The following MYBL2 variants were observed in gnomAD, a reference collection of about 807,000 sequenced individuals.
MYBL2 encodes myb-related protein B.
In MYBL2, 28 loss-of-function variants were observed where a neutral mutation model predicts 79.9. The observed-to-expected ratio is 0.35, with a 90% CI of 0.26 to 0.48. The LOEUF (loss-of-function observed/expected upper bound fraction) is 0.48. Among genes scored for constraint, MYBL2 ranks in the 20% least tolerant of loss-of-function variants. MYBL2 has a pLI of 0.99. For missense variants in MYBL2, 735 were observed against 893.9 expected, an observed-to-expected ratio of 0.82 and a Z score of 2.27; for synonymous variants, 378 against 361.2, an observed-to-expected ratio of 1.05 and a Z score of -0.53.
chr20:43,701,035 C>T (rs1189544514), intron 7 of MYBL2, among the ~76,000 whole-genome samples: 1 of 152,156 alleles, frequency 6.6e-6, no homozygotes, highest in Non-Finnish European at 1.5e-5. Context: ...TGGTCTTTAA[C>T]AGCCTGTGAG....
At position 43,710,033 on chromosome 20, in the gene MYBL2, CT is replaced by C; in HGVS notation, c.1577del (p.Leu526ArgfsTer7). Reference sequence around the variant, plus strand: ...CACGCCAACCCCGTTCAAGAACGCCCTGGAGAAGTACGGACCCCTGAAGCCC... The same window carrying C: ...CACGCCAACCCCGTTCAAGAACGCCCGGAGAAGTACGGACCCCTGAAGCCC... ...PHTPTPFKNA[L>X]EKYGPLKPLP... On this transcript the variant is annotated frameshift_variant, in exon 10 of 14. Coordinates refer to ENST00000217026, the MANE Select transcript of MYBL2 (RefSeq NM_002466.4). LOFTEE classifies it high-confidence loss of function. 6.2e-7 allele frequency: 1 copy of C among 1,609,988 alleles called. No individual in the cohort carries two copies. The highest frequency in any genetic ancestry group is 1.7e-5 in the Admixed American group (1 of 59,410).
At chr20:43,673,595 C>T (rs1986919659) in intron 1 of MYBL2, 1 of 636,236 alleles carries the variant, frequency 1.6e-6, no homozygotes, top group East Asian at 3.2e-5. Flanking sequence ...TACGATCATG[C>T]CACACTGAAT....
At chr20:43,700,818 T>C (rs1323575843) in intron 7 of MYBL2, among the ~76,000 whole-genome samples, 2 of 152,178 alleles carry the variant, frequency 1.3e-5, no homozygotes, top group African/African-American at 4.8e-5. Flanking sequence ...TCAAGTAGTG[T>C]ACCCAAGGTT....
At chr20:43,708,902 G>T (rs1202552884) in intron 9 of MYBL2, among the ~76,000 whole-genome samples, 8 of 152,230 alleles carry the variant, frequency 5.3e-5, no homozygotes, top group African/African-American at 1.9e-4. Flanking sequence ...GTGCTTATCT[G>T]TCTTCACTCT....
chr20:43,676,382 G>A (rs1987010761), intron 2 of MYBL2, among the ~76,000 whole-genome samples: 1 of 151,908 alleles, frequency 6.6e-6, no homozygotes, highest in Non-Finnish European at 1.5e-5. Flanking sequence ...TTGGTTTTCT[G>A]TTCCTGTGTT....
intron 6 of MYBL2, among the ~76,000 whole-genome samples, chr20:43,696,930 T>G (rs1041899229): frequency 6.6e-6 from 1 of 152,302 alleles, no homozygotes; most frequent in Non-Finnish European, 1.5e-5. Flanking sequence ...TTTCACCATG[T>G]TGGCCAGGAT....
Position 43,706,719 on chromosome 20 carries a change from G to GTTTTTTTT in MYBL2, c.1505+1368_1505+1375dup, listed in dbSNP as rs71193702. Among the ~76,000 whole-genome samples, 166 of 70,762 alleles carry GTTTTTTTT rather than the reference G, an allele frequency of 2.3e-3. 5 individuals are homozygous for GTTTTTTTT. The highest frequency in any genetic ancestry group is 2.9e-3 in the Non-Finnish European group (115 of 39,576). The allele number at this position is 70,762 out of a possible 152,430, so 46.4% of individuals were successfully genotyped here. Reference sequence around the variant, plus strand: ...CTGTCTGTACACAAAAAAAAAAAAAGTTTTTTTTTTTTTTGAGATGGAGTC... The same window carrying GTTTTTTTT: ...CTGTCTGTACACAAAAAAAAAAAAAGTTTTTTTTTTTTTTTTTTTTTTGAGATGGAGTC... On this transcript the variant is annotated intron_variant, in intron 9 of 13. Transcript: ENST00000217026.
rs780734264 is a variant in MYBL2, at chr20:43,705,376, C to T, written c.1505+18C>T. 3 of 1,587,006 alleles carry T rather than the reference C, an allele frequency of 1.9e-6. No individual in the cohort carries two copies. In the South Asian group the frequency reaches 3.4e-5, roughly 18 times the overall value. On this transcript the variant is annotated intron_variant, in intron 9 of 13. Transcript: ENST00000217026. ...CATGCTGCGTGAGTGCTGCAGTGCCCCCAACCTTCGCCGTCCTCTCCCTCA... is the reference window on the plus strand; with the variant it reads ...CATGCTGCGTGAGTGCTGCAGTGCCTCCAACCTTCGCCGTCCTCTCCCTCA...
At chr20:43,667,869 G>A (rs772519690) in intron 1 of MYBL2, among the ~76,000 whole-genome samples, 64 of 152,290 alleles carry the variant, frequency 4.2e-4, no homozygotes, top group Non-Finnish European at 7.6e-4. Flanking sequence ...CTCCCACCTG[G>A]GTTCCGCGCC....
rs1988018720 is a variant in MYBL2, at chr20:43,715,813, C to T, written c.1975-146C>T. The T allele has an allele frequency of 2.6e-6, 3 of 1,173,704 alleles. No homozygotes were observed. In the Admixed American group the frequency reaches 7.1e-5, roughly 28 times the overall value. The allele number at this position is 1,173,704 out of a possible 1,614,324, so 72.7% of individuals were successfully genotyped here. On this transcript the variant is annotated intron_variant, in intron 13 of 13. Transcript: ENST00000217026. Reference sequence around the variant, plus strand: ...AGCCAGGAAGTGACTTGTCCAGGGTCACAGGGAATGTGGAGAGAGAATAAG... The same window carrying T: ...AGCCAGGAAGTGACTTGTCCAGGGTTACAGGGAATGTGGAGAGAGAATAAG...
chr20:43,711,631 G>A lies in MYBL2; in HGVS notation c.1719+30G>A, dbSNP rs754747030. 3.1e-6 allele frequency: 5 copies of A among 1,587,770 alleles called. No homozygotes were observed. The Admixed American group carries it at 7.1e-5, about 23-fold the overall frequency. ...GTAGGGTAGGGGTGGGAGAGCCTGG[G>A]CAGGGGGAATTGGAGCCGTGGCATG... is the stretch of plus-strand genomic sequence containing the variant. On this transcript the variant is annotated intron_variant, in intron 11 of 13. Coordinates refer to ENST00000217026, the MANE Select transcript of MYBL2 (RefSeq NM_002466.4).
chr20:43,699,665 C>T, intron 6 of MYBL2, 92 bp from the exon 7 acceptor site: 4 of 1,376,268 alleles, frequency 2.9e-6, no homozygotes, highest in Non-Finnish European at 2.0e-6. Flanking sequence ...TCACAGTTTC[C>T]TTCTTAGATT....
intron 7 of MYBL2, among the ~76,000 whole-genome samples, chr20:43,700,993 A>G (rs1009589308): frequency 2.0e-5 from 3 of 152,172 alleles, no homozygotes; most frequent in South Asian, 4.1e-4. Flanking sequence ...TGCCAGGCCC[A>G]TCACTTGCTA....
intron 9 of MYBL2, 78 bp downstream of exon 9, chr20:43,705,436 G>A (rs1987759007): frequency 6.9e-7 from 1 of 1,456,748 alleles, no homozygotes; most frequent in African/African-American, 1.4e-5. Context: ...GACCACTGGT[G>A]GAACAGTGGG....
intron 7 of MYBL2, among the ~76,000 whole-genome samples, chr20:43,700,608 G>A (rs908465042): frequency 3.3e-5 from 5 of 150,328 alleles, no homozygotes; most frequent in Non-Finnish European, 5.9e-5. Context: ...TGTGTAGAGC[G>A]GGTTTTGGGA....
At chr20:43,711,953 C>A (rs1356869972) in intron 11 of MYBL2, among the ~76,000 whole-genome samples, 1 of 152,108 alleles carries the variant, frequency 6.6e-6, no homozygotes, top group Non-Finnish European at 1.5e-5. Flanking sequence ...GACAGACACA[C>A]CATGACTGAA....
intron 2 of MYBL2, among the ~76,000 whole-genome samples, chr20:43,678,580 G>C (rs912356054): frequency 5.3e-5 from 8 of 152,258 alleles, no homozygotes; most frequent in African/African-American, 1.9e-4. Context: ...TGGGTGGCCT[G>C]GCGCGGTGGC....
intron 7 of MYBL2, 117 bp from the exon 8 acceptor site, chr20:43,702,373 A>T: frequency 1.8e-6 from 2 of 1,116,894 alleles, no homozygotes; most frequent in Non-Finnish European, 2.6e-6. Context: ...ATGAAATATT[A>T]ATGATTGGTC....
chr20:43,707,021 A>T (rs1420114857), intron 9 of MYBL2, among the ~76,000 whole-genome samples: 6 of 150,626 alleles, frequency 4.0e-5, no homozygotes, highest in African/African-American at 1.5e-4. Context: ...GCCAAAAAAA[A>T]TTTTTTTAAT....
Sources: allele counts gnomAD v4.1 joint callset (sites outside exome capture counted in the v4.1 genomes callset), GRCh38; gene constraint gnomAD v4.1.1; transcripts MANE v1.5; gene names NCBI Gene and HGNC (gene_info 2026-07-23, HGNC 2026-07-21).